Variants in NDST4 observed in about 807,000 individuals in gnomAD.
NDST4 encodes the protein N-heparan sulfate sulfotransferase 4.
A neutral mutation model predicts 100.8 loss-of-function variants in NDST4; 63 were observed. The observed-to-expected ratio is 0.62, with a 90% confidence interval of 0.51 to 0.77. The LOEUF (loss-of-function observed/expected upper bound fraction) is 0.77, where lower values mean the gene tolerates loss of function less well. Among genes scored for constraint, NDST4 ranks in the 30% least tolerant of loss-of-function variants. The pLI, the probability that NDST4 is intolerant of heterozygous loss-of-function variation, is 0.00. For missense variants in NDST4, 943 were observed against 1,018.4 expected, an observed-to-expected ratio of 0.93 and a Z score of 1.01; for synonymous variants, 377 against 361.8, an observed-to-expected ratio of 1.04 and a Z score of -0.48.
chr4:114,870,722 T>A (rs760786132), intron 7 of NDST4, 46 bp downstream of exon 7: 2 of 1,501,200 alleles, frequency 1.3e-6, no homozygotes, highest in Non-Finnish European at 1.8e-6. Context: ...ACTCACAAAT[T>A]GCTAGTTTCT....
At chr4:114,888,085 T>A (rs1312520946) in intron 6 of NDST4, among the ~76,000 whole-genome samples, 1 of 151,994 alleles carries the variant, frequency 6.6e-6, no homozygotes, top group Non-Finnish European at 1.5e-5. Context: ...AGGCCTGCAA[T>A]CCCAGCTACT....
chr4:114,909,960 A>T (rs923229202), intron 6 of NDST4, among the ~76,000 whole-genome samples: 1 of 152,186 alleles, frequency 6.6e-6, no homozygotes, highest in Non-Finnish European at 1.5e-5. Flanking sequence ...ATTTCTGAAC[A>T]GATAATTATT....
At position 115,019,288 on chromosome 4, in the gene NDST4, C is replaced by A. The variant is rs79181012; in HGVS notation, c.979-42014G>T. The stretch of plus-strand genomic sequence containing the variant: ...TATTATAAAAAACAAGTTTAAACTC[C>A]ATAAAGACACAAGTTCCTCTAAACA... On this transcript the variant is annotated intron_variant, in intron 2 of 13. Transcript: ENST00000264363. 3.3e-3 allele frequency among the ~76,000 whole-genome samples: 507 copies of A among 152,148 alleles called. 3 individuals are homozygous for A. The highest frequency in any genetic ancestry group is 0.012 in the African/African-American group (491 of 41,550).
chr4:114,857,791 T>C (rs1056373905), intron 7 of NDST4, among the ~76,000 whole-genome samples: 8 of 152,226 alleles, frequency 5.3e-5, no homozygotes, highest in African/African-American at 1.9e-4. Context: ...ATAAATGGCA[T>C]AGGATGGACA....
intron 6 of NDST4, among the ~76,000 whole-genome samples, chr4:114,926,185 T>C (rs1328175153): frequency 6.6e-6 from 1 of 152,138 alleles, no homozygotes. Context: ...CAATATGTGA[T>C]GAAGGCATGA....
intron 1 of NDST4, among the ~76,000 whole-genome samples, chr4:115,110,068 A>G (rs997248708): frequency 1.3e-5 from 2 of 151,908 alleles, no homozygotes; most frequent in Non-Finnish European, 2.9e-5. Flanking sequence ...TTTCAATTCA[A>G]TATTATTTCT....
intron 4 of NDST4, among the ~76,000 whole-genome samples, chr4:114,944,893 C>A (rs911078947): frequency 1.3e-5 from 2 of 152,014 alleles, no homozygotes; most frequent in Non-Finnish European, 2.9e-5. Context: ...TTTCAGGAGA[C>A]GCGCCACACC....
rs764270199 is a variant in NDST4, at chr4:114,977,272, T to G, written c.981A>C (p.Ala327=). 3.2e-6 allele frequency: 5 copies of G among 1,584,854 alleles called. No homozygotes were observed. The highest frequency in any genetic ancestry group is 2.3e-5 in the South Asian group (2 of 86,928). The change falls in exon 3 of 14, where the codon GCA becomes GCC. Residue 327 remains alanine, a splice_region_variant and synonymous_variant. Transcript: ENST00000264363. ...GTRMNVKDVK[A]LLETQNLLRT... ...GCAGTAAATTTTGAGTCTCTAGTAATGCCTGAAATAAATAAGAAATTAACA... is the reference window on the plus strand; with the variant it reads ...GCAGTAAATTTTGAGTCTCTAGTAAGGCCTGAAATAAATAAGAAATTAACA...
At chr4:114,856,871 G>A (rs1249800226) in intron 7 of NDST4, among the ~76,000 whole-genome samples, 1 of 152,184 alleles carries the variant, frequency 6.6e-6, no homozygotes, top group African/African-American at 2.4e-5. Context: ...GACATCTTGA[G>A]CACACTGGGA....
chr4:115,056,777 T>C (rs1174775333), intron 2 of NDST4, among the ~76,000 whole-genome samples: 2 of 152,202 alleles, frequency 1.3e-5, no homozygotes, highest in East Asian at 1.9e-4. Context: ...ACTCTTCACA[T>C]TAATATGGTT....
chr4:114,908,525 T>C (rs1179689478), intron 6 of NDST4, among the ~76,000 whole-genome samples: 3 of 135,040 alleles, frequency 2.2e-5, no homozygotes, highest in African/African-American at 1.0e-4. Context: ...AGATATAAAA[T>C]GCTTGGCCCT....
chr4:114,946,478 G>A (rs1387124333), intron 4 of NDST4, among the ~76,000 whole-genome samples: 1 of 152,160 alleles, frequency 6.6e-6, no homozygotes, highest in Admixed American at 6.5e-5. Flanking sequence ...CTCAGCCATG[G>A]TTTAATGGAG....
At chr4:115,045,117 G>A (rs552147801) in intron 2 of NDST4, among the ~76,000 whole-genome samples, 88 of 152,124 alleles carry the variant, frequency 5.8e-4, no homozygotes, top group African/African-American at 2.0e-3. Flanking sequence ...AGTCTAATAA[G>A]AGAAATCCAC....
intron 4 of NDST4, among the ~76,000 whole-genome samples, chr4:114,956,793 A>T (rs1404436411): frequency 6.6e-6 from 1 of 152,202 alleles, no homozygotes; most frequent in Non-Finnish European, 1.5e-5. Context: ...CATTTAAAAA[A>T]TAACTAAATG....
chr4:114,860,909 T>C (rs1040058834), intron 7 of NDST4, among the ~76,000 whole-genome samples: 22 of 152,344 alleles, frequency 1.4e-4, no homozygotes, highest in South Asian at 1.2e-3. Context: ...GCAACTGGTA[T>C]GCTTAGTGAT....
At chr4:115,026,170 G>A (rs1727980065) in intron 2 of NDST4, among the ~76,000 whole-genome samples, 1 of 151,892 alleles carries the variant, frequency 6.6e-6, no homozygotes, top group Non-Finnish European at 1.5e-5. Flanking sequence ...ATTTTCTATA[G>A]TATAAGAAAC....
chr4:115,003,550 T>G (rs1017419982), intron 2 of NDST4, among the ~76,000 whole-genome samples: 1 of 152,160 alleles, frequency 6.6e-6, no homozygotes, highest in Admixed American at 6.6e-5. Flanking sequence ...AAGAATAAAT[T>G]TAAAGACTGT....
chr4:114,861,483 C>A (rs2126192863), intron 7 of NDST4, among the ~76,000 whole-genome samples: 1 of 152,164 alleles, frequency 6.6e-6, no homozygotes. Flanking sequence ...GCAATTGGAG[C>A]AAGAGAAAGA....
chr4:114,982,074 AT>A (rs780478546), intron 2 of NDST4, among the ~76,000 whole-genome samples: 3 of 152,182 alleles, frequency 2.0e-5, no homozygotes, highest in Non-Finnish European at 4.4e-5. Context: ...TACTTTCTTT[AT>A]AAATGATCCA....
Sources: allele counts gnomAD v4.1 joint callset (sites outside exome capture counted in the v4.1 genomes callset), GRCh38; gene constraint gnomAD v4.1.1; transcripts MANE v1.5; gene names NCBI Gene and HGNC (gene_info 2026-07-23, HGNC 2026-07-21).